Variants in FABP7 observed in about 807,000 individuals in gnomAD.
FABP7 encodes the protein fatty acid-binding protein, brain.
In FABP7, 13 loss-of-function variants were observed where a neutral mutation model predicts 14.2. That is an observed-to-expected ratio of 0.91 (90% CI 0.59 to 1.45). The LOEUF is 1.45. Ranked by LOEUF, FABP7 falls within the 40% of genes most tolerant of loss-of-function variation. The probability of loss-of-function intolerance (pLI) is 0.00; values close to 1 mark genes in which losing one functional copy is unlikely to be tolerated. For synonymous variants in FABP7, 49 were observed against 51.4 expected (o/e 0.95, Z 0.20); for missense variants, 149 against 157.6 (o/e 0.95, Z 0.29).
the FABP7 span, among the ~76,000 whole-genome samples, chr6:122,750,724 C>A: frequency 6.6e-6 from 1 of 152,182 alleles, no homozygotes; most frequent in Non-Finnish European, 1.5e-5. Flanking sequence ...GAAACTTGGT[C>A]TAAACCGGAA....
the FABP7 span, among the ~76,000 whole-genome samples, chr6:122,752,016 C>T: frequency 2.0e-5 from 3 of 152,096 alleles, no homozygotes; most frequent in Non-Finnish European, 4.4e-5. Context: ...GTCCCCAAAC[C>T]CAAATGCTTT....
At chr6:122,753,792 C>A in the FABP7 span, among the ~76,000 whole-genome samples, 5 of 95,674 alleles carry the variant, frequency 5.2e-5, 1 homozygote, top group African/African-American at 1.6e-4. Flanking sequence ...CCGCCCCCCC[C>A]CCGCCCACAG....
At chr6:122,756,925 C>G in the FABP7 span, among the ~76,000 whole-genome samples, 1 of 152,126 alleles carries the variant, frequency 6.6e-6, no homozygotes, top group Non-Finnish European at 1.5e-5. Context: ...TTGTCTGGAT[C>G]CTTCTATTCT....
intron 2 of FABP7, 40 bp downstream of exon 2, chr6:122,780,503 G>C (rs1438894032): frequency 1.3e-6 from 2 of 1,572,258 alleles, no homozygotes; most frequent in Non-Finnish European, 8.7e-7. Context: ...GATGGGGAGA[G>C]GGGAATAAAG....
chr6:122,782,124 A>G (rs1780804740), intron 3 of FABP7: 2 of 984,342 alleles, frequency 2.0e-6, no homozygotes, highest in Non-Finnish European at 2.4e-6. Flanking sequence ...TTTTAAACAT[A>G]TATATTCAAT....
chr6:122,753,781 C>T, the FABP7 span, among the ~76,000 whole-genome samples: 1 of 53,928 alleles, frequency 1.9e-5, no homozygotes, highest in Non-Finnish European at 3.9e-5. Flanking sequence ...GGGTCCAAAT[C>T]CCGCCCCCCC....
intron 3 of FABP7, chr6:122,782,992 C>T (rs1780832151): frequency 1.0e-6 from 1 of 985,246 alleles, no homozygotes; most frequent in Non-Finnish European, 1.2e-6. Context: ...TGACTATGAT[C>T]AGGCAAGATT....
the FABP7 span, among the ~76,000 whole-genome samples, chr6:122,763,054 G>T: frequency 5.3e-5 from 8 of 151,966 alleles, no homozygotes; most frequent in Non-Finnish European, 1.2e-4. Context: ...AGTTCATATG[G>T]AACCAAAAAA....
At chr6:122,761,813 T>G in the FABP7 span, among the ~76,000 whole-genome samples, 1 of 152,142 alleles carries the variant, frequency 6.6e-6, no homozygotes, top group Admixed American at 6.6e-5. Flanking sequence ...ATTTAATCCT[T>G]TCTGAAAAAG....
chr6:122,777,965 T>C (rs945999291), upstream of FABP7, among the ~76,000 whole-genome samples: 9 of 152,208 alleles, frequency 5.9e-5, no homozygotes, highest in African/African-American at 2.2e-4. Flanking sequence ...ATCTATAAGC[T>C]GTAAGCCCTC....
At chr6:122,778,515 G>A (rs1020802993), upstream of FABP7, among the ~76,000 whole-genome samples, 1 of 152,152 alleles carries the variant, frequency 6.6e-6, no homozygotes, top group Non-Finnish European at 1.5e-5. Flanking sequence ...ATTGGGAGGG[G>A]AGAGAGAAGG....
rs543234315 is a variant in FABP7 at position 122,783,879 on chromosome 6, G to C, written c.*112G>C. The C allele has an allele frequency of 2.8e-4, 234 of 847,490 alleles. No individual in the cohort carries two copies. The highest frequency in any genetic ancestry group is 7.6e-4 in the Admixed American group (26 of 34,050). The allele number at this position is 847,490 out of a possible 1,614,324, so 52.5% of individuals were successfully genotyped here. ...CATTAATTAGAAGGTTATCCTTGGT[G>C]TGGAGGTGGAAAATGGTGATTTAAA... On this transcript the variant is annotated 3_prime_UTR_variant, in exon 4 of 4. Coordinates refer to ENST00000368444, the MANE Select transcript of FABP7 (RefSeq NM_001446.5).
chr6:122,777,884 T>A (rs899357389), upstream of FABP7, among the ~76,000 whole-genome samples: 3 of 58,576 alleles, frequency 5.1e-5, no homozygotes, highest in African/African-American at 1.1e-4. Context: ...ATAATTTTTT[T>A]ATGTGCACTC....
chr6:122,750,366 T>C, the FABP7 span, among the ~76,000 whole-genome samples: 2 of 152,170 alleles, frequency 1.3e-5, no homozygotes, highest in Non-Finnish European at 2.9e-5. Context: ...ATAATTATTA[T>C]GAAATAATCA....
the FABP7 span, among the ~76,000 whole-genome samples, chr6:122,767,453 T>C: frequency 6.6e-6 from 1 of 152,066 alleles, no homozygotes; most frequent in Admixed American, 6.6e-5. Flanking sequence ...CATAGAGGAC[T>C]TCGGTAAATC....
At chr6:122,780,156 A>G in intron 1 of FABP7, 135 bp from the exon 2 acceptor site, 2 of 985,186 alleles carry the variant, frequency 2.0e-6, no homozygotes, top group Non-Finnish European at 3.1e-6. Context: ...AGTGTTTTAC[A>G]TGATTAATGG....
the FABP7 span, among the ~76,000 whole-genome samples, chr6:122,760,179 C>T: frequency 6.6e-6 from 1 of 152,104 alleles, no homozygotes; most frequent in Non-Finnish European, 1.5e-5. Context: ...GACCAAGGTA[C>T]ACACCCAAGT....
chr6:122,758,631 G>A, the FABP7 span, among the ~76,000 whole-genome samples: 2 of 152,132 alleles, frequency 1.3e-5, no homozygotes, highest in Non-Finnish European at 2.9e-5. Flanking sequence ...TATGTCCATT[G>A]TTCCTGAAGA....
At chr6:122,773,863 C>G in the FABP7 span, among the ~76,000 whole-genome samples, 118,148 of 151,886 alleles carry the variant, frequency 0.78, 48,613 homozygotes, top group Non-Finnish European at 0.9. Flanking sequence ...ACTTATCTTT[C>G]TTTCTTTTAT....
Sources: allele counts gnomAD v4.1 joint callset (sites outside exome capture counted in the v4.1 genomes callset), GRCh38; gene constraint gnomAD v4.1.1; transcripts MANE v1.5; gene names NCBI Gene and HGNC (gene_info 2026-07-23, HGNC 2026-07-21).